PIK3C2G: variants seen among roughly 807,000 people sequenced by gnomAD.
The protein encoded by PIK3C2G is phosphatidylinositol 3-kinase C2 domain-containing subunit gamma.
Under a neutral mutation model 181.1 loss-of-function variants are expected in PIK3C2G, and 168 were observed. The ratio of observed to expected loss-of-function variants is 0.93; its 90% CI spans 0.82 to 1.05. The LOEUF (loss-of-function observed/expected upper bound fraction) is 1.05, where lower values mean the gene tolerates loss of function less well. Among genes scored for constraint, PIK3C2G ranks in the 50% least tolerant of loss-of-function variants. The probability of loss-of-function intolerance (pLI) is 0.00; values close to 1 mark genes in which losing one functional copy is unlikely to be tolerated. For synonymous variants in PIK3C2G, 573 were observed against 592.2 expected (o/e 0.97, Z 0.47); for missense variants, 1,869 against 1,732.8 (o/e 1.08, Z -1.40).
intron 8 of PIK3C2G, among the ~76,000 whole-genome samples, chr12:18,334,980 A>T (rs1351874918): frequency 6.6e-6 from 1 of 151,996 alleles, no homozygotes; most frequent in Non-Finnish European, 1.5e-5. Context: ...GCCTAGTGCA[A>T]TTTTTAACAT....
intron 26 of PIK3C2G, among the ~76,000 whole-genome samples, chr12:18,549,401 G>T (rs1944609711): frequency 6.6e-6 from 1 of 151,990 alleles, no homozygotes; most frequent in Non-Finnish European, 1.5e-5. Context: ...ACAACTTAAT[G>T]CAGTGCTTCT....
intron 31 of PIK3C2G, among the ~76,000 whole-genome samples, chr12:18,621,842 G>C (rs1948878776): frequency 6.6e-6 from 1 of 151,628 alleles, no homozygotes; most frequent in South Asian, 2.1e-4. Context: ...AATTCATAAA[G>C]ACCTGAAATT....
At chr12:18,658,694 A>G in the PIK3C2G span, among the ~76,000 whole-genome samples, 2 of 152,272 alleles carry the variant, frequency 1.3e-5, no homozygotes, top group South Asian at 2.1e-4. Context: ...AACTTTAAGT[A>G]TTTGGAATAG....
chr12:18,635,174 GC>G (rs1379117346), intron 31 of PIK3C2G, among the ~76,000 whole-genome samples: 32 of 152,198 alleles, frequency 2.1e-4, no homozygotes, highest in African/African-American at 7.5e-4. Flanking sequence ...TGTATATCAT[GC>G]AGAACTATCC....
chr12:18,575,444 G>A (rs922041338), intron 29 of PIK3C2G, among the ~76,000 whole-genome samples: 6 of 152,080 alleles, frequency 3.9e-5, no homozygotes, highest in African/African-American at 9.7e-5. Context: ...GTTTAAATAT[G>A]GTCAGTCATT....
intron 16 of PIK3C2G, among the ~76,000 whole-genome samples, chr12:18,412,438 C>A (rs1944915449): frequency 6.6e-6 from 1 of 151,946 alleles, no homozygotes; most frequent in African/African-American, 2.4e-5. Flanking sequence ...TTCCAGGGGC[C>A]ACATGATTTA....
chr12:18,651,673 C>A (rs1950527184), downstream of PIK3C2G, among the ~76,000 whole-genome samples: 1 of 152,156 alleles, frequency 6.6e-6, no homozygotes, highest in Admixed American at 6.5e-5. Flanking sequence ...CCGGCCTGAA[C>A]AGCCTTTGAA....
chr12:18,278,157 C>T (rs867750726), intron 1 of PIK3C2G, among the ~76,000 whole-genome samples: 5 of 152,122 alleles, frequency 3.3e-5, no homozygotes, highest in South Asian at 4.1e-4. Context: ...TAAAGCAATA[C>T]ATTTATTACG....
At chr12:18,449,144 A>G (rs1474510029) in intron 18 of PIK3C2G, among the ~76,000 whole-genome samples, 2 of 152,066 alleles carry the variant, frequency 1.3e-5, no homozygotes, top group Non-Finnish European at 2.9e-5. Context: ...GTTTAAAGTT[A>G]GTTTGACCAT....
intron 18 of PIK3C2G, among the ~76,000 whole-genome samples, chr12:18,433,987 T>A (rs1455175124): frequency 6.6e-6 from 1 of 152,180 alleles, no homozygotes; most frequent in African/African-American, 2.4e-5. Context: ...TCATTCCCTA[T>A]CCTCATCCAT....
At chr12:18,601,285 A>AT (rs35028596) in intron 30 of PIK3C2G, among the ~76,000 whole-genome samples, 24,046 of 150,404 alleles carry the variant, frequency 0.16, 2,134 homozygotes, top group South Asian at 0.22. Flanking sequence ...TAAAATAAAA[A>AT]TTAAAAAAAA....
At chr12:18,480,408 C>T (rs559552673) in intron 18 of PIK3C2G, among the ~76,000 whole-genome samples, 2 of 152,214 alleles carry the variant, frequency 1.3e-5, no homozygotes, top group African/African-American at 4.8e-5. Flanking sequence ...AACATGTGAA[C>T]ATGTTACATG....
At chr12:18,663,977 G>A in the PIK3C2G span, among the ~76,000 whole-genome samples, 1 of 152,078 alleles carries the variant, frequency 6.6e-6, no homozygotes, top group South Asian at 2.1e-4. Context: ...TATACAAATG[G>A]CTAGTAAGCA....
chr12:18,599,667 TA>T (rs1166849626), intron 30 of PIK3C2G, among the ~76,000 whole-genome samples: 1 of 135,480 alleles, frequency 7.4e-6, no homozygotes, highest in African/African-American at 2.8e-5. Context: ...AATGAATAAA[TA>T]AATAAATATA....
chr12:18,250,192 T>G (rs1266455235), intron 1 of PIK3C2G, among the ~76,000 whole-genome samples: 1 of 152,082 alleles, frequency 6.6e-6, no homozygotes, highest in Non-Finnish European at 1.5e-5. Context: ...TTATACATTT[T>G]ATGTACTATA....
At chr12:18,618,732 T>C (rs1948714074) in intron 31 of PIK3C2G, among the ~76,000 whole-genome samples, 1 of 152,080 alleles carries the variant, frequency 6.6e-6, no homozygotes, top group South Asian at 2.1e-4. Flanking sequence ...TTGAAATCAA[T>C]GAAATGTTAG....
At chr12:18,692,373 A>G in the PIK3C2G span, among the ~76,000 whole-genome samples, 1 of 152,218 alleles carries the variant, frequency 6.6e-6, no homozygotes, top group Non-Finnish European at 1.5e-5. Flanking sequence ...AAAAGCAACT[A>G]GAGGTTTTTC....
intron 9 of PIK3C2G, among the ~76,000 whole-genome samples, chr12:18,342,731 C>T (rs1042010776): frequency 4.6e-5 from 7 of 151,694 alleles, no homozygotes; most frequent in Non-Finnish European, 1.0e-4. Flanking sequence ...GGAAGGCCAC[C>T]ACACTAATGG....
chr12:18,496,856 C>A (rs566994780), intron 21 of PIK3C2G, among the ~76,000 whole-genome samples: 10 of 152,124 alleles, frequency 6.6e-5, no homozygotes, highest in Admixed American at 5.9e-4. Flanking sequence ...TGTCATGTCA[C>A]CTCAAGAGTT....
Sources: allele counts gnomAD v4.1 joint callset (sites outside exome capture counted in the v4.1 genomes callset), GRCh38; gene constraint gnomAD v4.1.1; transcripts MANE v1.5; gene names NCBI Gene and HGNC (gene_info 2026-07-23, HGNC 2026-07-21).